Variants in MCU observed in about 807,000 individuals in gnomAD.
MCU encodes calcium uniporter protein, mitochondrial.
MCU carries 12 observed loss-of-function variants against 45.2 expected under a neutral mutation model. The ratio of observed to expected loss-of-function variants is 0.27; its 90% CI spans 0.17 to 0.43. MCU has a LOEUF of 0.43. MCU is among the 20% of genes least tolerant of loss of function. MCU has a pLI of 1.00. For missense variants in MCU, 324 were observed against 436.7 expected (o/e 0.74, Z 2.30); for synonymous variants, 160 against 165.1 (o/e 0.97, Z 0.24).
chr10:72,751,339 T>A (rs954571408), intron 1 of MCU, among the ~76,000 whole-genome samples: 1 of 116,250 alleles, frequency 8.6e-6, no homozygotes, highest in African/African-American at 3.5e-5. Context: ...CTTCTTCTTC[T>A]TCTTTTTTTT....
At chr10:72,763,026 T>TC (rs1033123449) in intron 1 of MCU, among the ~76,000 whole-genome samples, 2 of 152,088 alleles carry the variant, frequency 1.3e-5, no homozygotes, top group African/African-American at 4.8e-5. Context: ...ATGATTTTTT[T>TC]CTCCATCTTC....
At chr10:72,730,307 C>CTTTTTTT (rs1221272053) in intron 1 of MCU, among the ~76,000 whole-genome samples, 18 of 124,210 alleles carry the variant, frequency 1.4e-4, no homozygotes, top group African/African-American at 1.8e-4. Flanking sequence ...CTTTCTTTTT[C>CTTTTTTT]TTTTTTTTTT....
intron 5 of MCU, among the ~76,000 whole-genome samples, chr10:72,871,104 C>T (rs1227118206): frequency 2.0e-5 from 3 of 151,926 alleles, no homozygotes; most frequent in African/African-American, 7.3e-5. Context: ...TTCGCCATGT[C>T]GCCCAGGCTG....
chr10:72,692,979 G>T, intron 1 of MCU: 1 of 1,535,964 alleles, frequency 6.5e-7, no homozygotes, highest in Non-Finnish European at 8.7e-7. Flanking sequence ...GGTGCTTTTG[G>T]GGGTCCTTTC....
chr10:72,792,284 T>C (rs1844173111), intron 1 of MCU, among the ~76,000 whole-genome samples: 1 of 152,190 alleles, frequency 6.6e-6, no homozygotes, highest in African/African-American at 2.4e-5. Context: ...GCATGGAGGT[T>C]ACACAGTGTT....
At chr10:72,748,326 G>A (rs1482456475) in intron 1 of MCU, among the ~76,000 whole-genome samples, 1 of 152,206 alleles carries the variant, frequency 6.6e-6, no homozygotes, top group South Asian at 2.1e-4. Context: ...GGGATTACAG[G>A]CGTGTGCCAC....
chr10:72,726,220 C>G (rs1843098501), intron 1 of MCU, among the ~76,000 whole-genome samples: 1 of 150,196 alleles, frequency 6.7e-6, no homozygotes, highest in African/African-American at 2.5e-5. Context: ...TGTTTTTTGT[C>G]TATCAGCACA....
chr10:72,720,421 A>G (rs1843005656), intron 1 of MCU, among the ~76,000 whole-genome samples: 1 of 152,222 alleles, frequency 6.6e-6, no homozygotes, highest in Non-Finnish European at 1.5e-5. Context: ...CCTGAATGCC[A>G]TGAATAGATT....
intron 1 of MCU, among the ~76,000 whole-genome samples, chr10:72,794,589 C>T (rs1844216609): frequency 6.6e-6 from 1 of 152,198 alleles, no homozygotes; most frequent in African/African-American, 2.4e-5. Context: ...TGTTCTGTTT[C>T]TGTCCCTTTC....
intron 1 of MCU, among the ~76,000 whole-genome samples, chr10:72,816,113 G>T (rs1242936868): frequency 1.3e-5 from 2 of 152,162 alleles, no homozygotes; most frequent in African/African-American, 4.8e-5. Flanking sequence ...GGAGGTTGCA[G>T]TGAGCCAAGA....
intron 1 of MCU, among the ~76,000 whole-genome samples, chr10:72,773,678 T>C (rs982700627): frequency 2.6e-5 from 4 of 152,022 alleles, no homozygotes; most frequent in Non-Finnish European, 5.9e-5. Context: ...CCTCAAGGCA[T>C]ATAATAAACT....
intron 4 of MCU, among the ~76,000 whole-genome samples, chr10:72,866,093 C>T (rs2132878036): frequency 6.7e-6 from 1 of 150,174 alleles, no homozygotes; most frequent in South Asian, 2.1e-4. Context: ...GGTTTTTAAA[C>T]ATAGTAAAGA....
At chr10:72,732,349 C>G (rs915909309) in intron 1 of MCU, among the ~76,000 whole-genome samples, 2 of 152,136 alleles carry the variant, frequency 1.3e-5, no homozygotes, top group African/African-American at 4.8e-5. Flanking sequence ...TTTAGTTAAT[C>G]TATTTGATAA....
chr10:72,832,997 CAAAT>C (rs1241920676), intron 1 of MCU, among the ~76,000 whole-genome samples: 5 of 132,248 alleles, frequency 3.8e-5, no homozygotes, highest in Non-Finnish European at 6.8e-5. Flanking sequence ...TGTGGAGAAA[CAAAT>C]AAACAAGAAT....
chr10:72,725,670 C>T (rs1051249044), intron 1 of MCU, among the ~76,000 whole-genome samples: 2 of 98,224 alleles, frequency 2.0e-5, no homozygotes, highest in South Asian at 4.1e-4. Flanking sequence ...CGGTGGATCA[C>T]CTAAGGTCAG....
intron 6 of MCU, among the ~76,000 whole-genome samples, chr10:72,878,061 G>A (rs1162907919): frequency 6.6e-6 from 1 of 151,308 alleles, no homozygotes; most frequent in Admixed American, 6.6e-5. Context: ...TCATCCCTGG[G>A]AGGAGATAAC....
intron 2 of MCU, among the ~76,000 whole-genome samples, chr10:72,837,792 A>C (rs1037592322): frequency 2.6e-5 from 4 of 151,630 alleles, no homozygotes; most frequent in Non-Finnish European, 4.4e-5. Flanking sequence ...TGCTGTAGAC[A>C]GTTTGTATAA....
chr10:72,867,590 A>C (rs1280521826), intron 4 of MCU, among the ~76,000 whole-genome samples: 4 of 152,120 alleles, frequency 2.6e-5, no homozygotes, highest in Non-Finnish European at 4.4e-5. Flanking sequence ...GCGGTGGCTC[A>C]AGCCTGTAAT....
Position 72,710,552 on chromosome 10 carries a change from T to TG in MCU, c.150+18251_150+18252insG, listed in dbSNP as rs1186186150. On this transcript the variant is annotated intron_variant, in intron 1 of 7. Transcript: ENST00000373053. ...CATTCCATCACCTAAGGTTTTTTTT[T>TG]TTTTTTTTTTTTTTTTTTGGTGGAG... Among the ~76,000 whole-genome samples the TG allele has an allele frequency of 2.2e-4, 33 of 147,254 alleles. No individual in the cohort carries two copies. The East Asian group carries it at 6.4e-3, about 28-fold the overall frequency.
Sources: allele counts gnomAD v4.1 joint callset (sites outside exome capture counted in the v4.1 genomes callset), GRCh38; gene constraint gnomAD v4.1.1; transcripts MANE v1.5; gene names NCBI Gene and HGNC (gene_info 2026-07-23, HGNC 2026-07-21).